KNSTRN: variants seen among roughly 807,000 people sequenced by gnomAD.
The protein encoded by KNSTRN is small kinetochore-associated protein.
In KNSTRN, 38 loss-of-function variants were observed where a neutral mutation model predicts 44.7. The observed-to-expected ratio is 0.85, with a 90% CI of 0.66 to 1.11. The LOEUF (loss-of-function observed/expected upper bound fraction) is 1.11, where lower values mean the gene tolerates loss of function less well. KNSTRN is among the 50% of genes most tolerant of loss of function. The pLI, the probability that KNSTRN is intolerant of heterozygous loss-of-function variation, is 0.00. For missense variants in KNSTRN, 406 were observed against 375.8 expected, an observed-to-expected ratio of 1.08 and a Z score of -0.66; for synonymous variants, 158 against 148.1, an observed-to-expected ratio of 1.07 and a Z score of -0.48.
chr15:40,382,812 C>CA lies in KNSTRN; in HGVS notation c.-24_-23insA. ...ACCTTTCGCTAGGTCTGGCTCTGGC[C>CA]TCTGAGCGAACCTTCCGTACAGTAT... On this transcript the variant is annotated 5_prime_UTR_variant, in exon 1 of 9. Coordinates refer to ENST00000249776, the MANE Select transcript of KNSTRN (RefSeq NM_033286.4). The CA allele has an allele frequency of 6.2e-7, 1 of 1,603,394 alleles. No homozygotes were observed. The highest frequency in any genetic ancestry group is 8.5e-7 in the Non-Finnish European group (1 of 1,175,380).
Position 40,393,560 on chromosome 15 carries a change from C to T in KNSTRN, c.914C>T (p.Thr305Ile). The T allele has an allele frequency of 1.2e-6, 2 of 1,614,014 alleles. No homozygotes were observed. The highest frequency in any genetic ancestry group is 1.7e-6 in the Non-Finnish European group (2 of 1,179,958). ...LCNNQVNDLT[T>I]ALKEMEQLLE... Reference sequence around the variant, plus strand: ...AACAATCAAGTAAATGATTTAACAACAGCCCTTAAGGAAATGGAGCAGCTA... The same window carrying T: ...AACAATCAAGTAAATGATTTAACAATAGCCCTTAAGGAAATGGAGCAGCTA... Residue 305 changes from threonine to isoleucine, a missense_variant, in exon 9 of 9, where the codon ACA becomes ATA. By Grantham distance (89) the Thr-to-Ile change is moderately conservative. Coordinates refer to ENST00000249776, the MANE Select transcript of KNSTRN (RefSeq NM_033286.4).
intron 3 of KNSTRN, 31 bp from the exon 4 acceptor site, chr15:40,387,128 C>G (rs1889916304): frequency 6.4e-7 from 1 of 1,552,682 alleles, no homozygotes; most frequent in Non-Finnish European, 8.9e-7. Context: ...CTGTAAGTCT[C>G]TGATTCATTT....
At chr15:40,387,737 C>G (rs1414904345) in intron 4 of KNSTRN, among the ~76,000 whole-genome samples, 1 of 152,144 alleles carries the variant, frequency 6.6e-6, no homozygotes. Context: ...GCAGGGCACA[C>G]CAGCTCACAC....
chr15:40,384,442 C>G (rs760624972), intron 2 of KNSTRN: 1 of 455,646 alleles, frequency 2.2e-6, no homozygotes, highest in Non-Finnish European at 4.4e-6. Flanking sequence ...TGTTTGTTGT[C>G]TTGTGTTGCC....
intron 4 of KNSTRN, among the ~76,000 whole-genome samples, chr15:40,387,890 C>T (rs1448812692): frequency 1.3e-5 from 2 of 152,098 alleles, no homozygotes; most frequent in Non-Finnish European, 2.9e-5. Flanking sequence ...TGTCTGTAAT[C>T]CCAGCTACTC....
chr15:40,389,065 G>A (rs1889951177), intron 4 of KNSTRN: 1 of 393,434 alleles, frequency 2.5e-6, no homozygotes, highest in Non-Finnish European at 5.0e-6. Context: ...GGGAGGTTAT[G>A]CAACTCACTG....
chr15:40,384,518 A>G (rs763957016), intron 2 of KNSTRN: 5 of 455,480 alleles, frequency 1.1e-5, no homozygotes, highest in African/African-American at 8.0e-5. Context: ...AACTGGAGCC[A>G]GGTCTCTCAG....
chr15:40,387,299 A>C, intron 4 of KNSTRN, 93 bp downstream of exon 4: 2 of 1,076,608 alleles, frequency 1.9e-6, no homozygotes, highest in Non-Finnish European at 2.9e-6. Context: ...GGACTTGTTT[A>C]CTGTGTTAGG....
At position 40,386,436 on chromosome 15, in the gene KNSTRN, C is replaced by G; in HGVS notation, c.379C>G (p.His127Asp). The G allele has an allele frequency of 6.2e-7, 1 of 1,614,096 alleles. No individual in the cohort carries two copies. Among genetic ancestry groups the G allele is most frequent in the Non-Finnish European group, 8.5e-7 (1 of 1,179,992 alleles). Residue 127 changes from histidine to aspartate, a missense_variant, in exon 3 of 9, where the codon CAT (histidine) becomes GAT (aspartate). Physicochemically the swap from His to Asp is moderately conservative, Grantham distance 81. Transcript: ENST00000249776. ...SKEVDVSKQL[H>D]SGGPENDVTK... ...AGAAGTCGATGTTTCCAAACAGCTT[C>G]ATTCAGGAGGTCCAGAGAATGATGT...
rs1246218148 is a variant in KNSTRN at position 40,383,055 on chromosome 15, C to A, written c.209+11C>A. On this transcript the variant is annotated intron_variant, in intron 1 of 8. Transcript: ENST00000249776. ...CCGGCGGGCTCCTGGGTTCGGCTCT[C>A]CCGGGGCGAGGGACTGGGCTGGATG... 1 of 1,609,332 alleles carries A rather than the reference C, an allele frequency of 6.2e-7. No homozygotes were observed. Among genetic ancestry groups the A allele is most frequent in the Non-Finnish European group, 8.5e-7 (1 of 1,179,860 alleles).
chr15:40,382,968 G>A lies in KNSTRN; in HGVS notation c.133G>A (p.Gly45Ser), dbSNP rs1889835833. The A allele has an allele frequency of 2.5e-6, 4 of 1,612,256 alleles. No individual in the cohort carries two copies. Among genetic ancestry groups the A allele is most frequent in the Non-Finnish European group, 1.7e-6 (2 of 1,180,030 alleles). ...TGAAACCCAGGCGGCCGACTTAGCC[G>A]GTGGCACGACAGTTGCTGCAGGGAA... is the stretch of plus-strand genomic sequence containing the variant. The part of the protein sequence containing the change: ...LFETQAADLA[G>S]GTTVAAGNLL... Residue 45 changes from glycine (G) to serine (S), a missense_variant, in exon 1 of 9, where the codon GGT becomes AGT. Physicochemically the swap from Gly to Ser is moderately conservative, Grantham distance 56 (BLOSUM62 0). Coordinates refer to ENST00000249776, the MANE Select transcript of KNSTRN (RefSeq NM_033286.4).
At chr15:40,384,360 C>G (rs1192613680) in intron 2 of KNSTRN, 1 of 422,542 alleles carries the variant, frequency 2.4e-6, no homozygotes, top group Non-Finnish European at 4.8e-6. Flanking sequence ...GGCGACAGAG[C>G]GAGACTCCGT....
chr15:40,389,251 C>T (rs776627486), intron 4 of KNSTRN: 24 of 491,662 alleles, frequency 4.9e-5, no homozygotes, highest in Non-Finnish European at 8.6e-5. Flanking sequence ...TGGGTTCAAG[C>T]GATTATCCTG....
intron 8 of KNSTRN, 66 bp downstream of exon 8, chr15:40,392,089 C>T (rs1371662210): frequency 3.9e-5 from 36 of 919,422 alleles, no homozygotes; most frequent in Middle Eastern, 4.9e-4. Context: ...GGGGTCTTTT[C>T]TGTTTTTCTA....
At chr15:40,389,216 T>G in intron 4 of KNSTRN, 1 of 475,830 alleles carries the variant, frequency 2.1e-6, no homozygotes, top group Non-Finnish European at 4.1e-6. Context: ...TGGCGCAATC[T>G]CAGCTCACCA....
At chr15:40,383,940 G>A (rs1323445432) in intron 2 of KNSTRN, 2 of 153,484 alleles carry the variant, frequency 1.3e-5, no homozygotes, top group African/African-American at 2.4e-5. Context: ...GTCTGCAGTC[G>A]GGGAACTGCC....
At position 40,393,460 on chromosome 15, in the gene KNSTRN, T is replaced by C. The variant is rs777713107; in HGVS notation, c.823-9T>C. The C allele has an allele frequency of 1.3e-5, 21 of 1,608,450 alleles. No homozygotes were observed. Among genetic ancestry groups the C allele is most frequent in the Non-Finnish European group, 1.5e-5 (18 of 1,178,436 alleles). Reference sequence around the variant, plus strand: ...GTGTTGTTTTCTTTTGGAATGTCTTTCCATGCAGGCCTTAAAGGTAAAGCT... The same window carrying C: ...GTGTTGTTTTCTTTTGGAATGTCTTCCCATGCAGGCCTTAAAGGTAAAGCT... On this transcript the variant is annotated splice_polypyrimidine_tract_variant and intron_variant, in intron 8 of 8. Transcript: ENST00000249776.
intron 8 of KNSTRN, among the ~76,000 whole-genome samples, chr15:40,392,581 G>A (rs1890018989): frequency 6.6e-6 from 1 of 152,134 alleles, no homozygotes; most frequent in African/African-American, 2.4e-5. Context: ...AGTCCCAGCT[G>A]CTCAGGAGGC....
chr15:40,393,370 T>C (rs1449105410), intron 8 of KNSTRN, 99 bp from the exon 9 acceptor site: 4 of 1,590,320 alleles, frequency 2.5e-6, no homozygotes, highest in Non-Finnish European at 2.6e-6. Flanking sequence ...TCTTCCTTAG[T>C]GGAATAGGAG....
Sources: gnomAD v4.1 joint callset for allele counts (sites outside exome capture counted in the v4.1 genomes callset) on GRCh38, gnomAD v4.1.1 for gene constraint, MANE v1.5 for transcripts, NCBI Gene and HGNC (gene_info 2026-07-23, HGNC 2026-07-21) for gene names.